The following RDX variants were observed in gnomAD, a reference collection of about 807,000 sequenced individuals.
RDX encodes the protein radixin, also known as deafness, autosomal recessive 24.
Under a neutral mutation model 83.7 loss-of-function variants are expected in RDX, and 32 were observed. That is an observed-to-expected ratio of 0.38 (90% confidence interval 0.29 to 0.51). RDX has a LOEUF of 0.51. Among genes scored for constraint, RDX ranks in the 20% least tolerant of loss-of-function variants. RDX has a pLI of 0.87. For synonymous variants in RDX, 229 were observed against 222.7 expected (o/e 1.03, Z -0.25); for missense variants, 600 against 689.9 (o/e 0.87, Z 1.46).
At chr11:110,224,182 A>G (rs1864353639) in intron 14 of RDX, among the ~76,000 whole-genome samples, 2 of 151,914 alleles carry the variant, frequency 1.3e-5, no homozygotes, top group Non-Finnish European at 2.9e-5. Flanking sequence ...GAGCTGAAAG[A>G]GTTATTTTTC....
At chr11:110,215,019 A>C (rs1207261701) in intron 14 of RDX, among the ~76,000 whole-genome samples, 3 of 135,876 alleles carry the variant, frequency 2.2e-5, no homozygotes, top group Non-Finnish European at 3.1e-5. Context: ...AATAAAAAAA[A>C]CATTTAGGAG....
chr11:110,232,124 C>A (rs1281742534), intron 13 of RDX, 91 bp from the exon 14 acceptor site: 3 of 1,002,904 alleles, frequency 3.0e-6, no homozygotes, highest in Non-Finnish European at 4.6e-6. Context: ...AATACATATA[C>A]CAAATCATTT....
intron 15 of RDX, among the ~76,000 whole-genome samples, chr11:110,192,572 G>A (rs1221030360): frequency 6.6e-6 from 1 of 152,122 alleles, no homozygotes; most frequent in Non-Finnish European, 1.5e-5. Flanking sequence ...AATAGAGTAA[G>A]CAGACAATCT....
At chr11:110,216,407 C>G (rs1864053459) in intron 14 of RDX, among the ~76,000 whole-genome samples, 1 of 151,386 alleles carries the variant, frequency 6.6e-6, no homozygotes, top group African/African-American at 2.4e-5. Flanking sequence ...GGGTCTTGCT[C>G]TGTTGCTCAG....
intron 14 of RDX, among the ~76,000 whole-genome samples, chr11:110,213,185 T>A (rs1863904704): frequency 1.3e-5 from 2 of 151,822 alleles, no homozygotes; most frequent in South Asian, 4.2e-4. Flanking sequence ...AGCATTCTTA[T>A]ACACCAACAA....
chr11:110,257,526 T>C (rs1859592832), intron 7 of RDX, among the ~76,000 whole-genome samples: 3 of 152,154 alleles, frequency 2.0e-5, no homozygotes, highest in Admixed American at 6.5e-5. Context: ...AGCAGCACAA[T>C]TCAAATAAAA....
At chr11:110,255,905 A>C (rs1315990835) in intron 7 of RDX, among the ~76,000 whole-genome samples, 7 of 152,198 alleles carry the variant, frequency 4.6e-5, no homozygotes, top group Admixed American at 4.6e-4. Flanking sequence ...GTATATTTTG[A>C]AAGAATCTTA....
downstream of RDX, among the ~76,000 whole-genome samples, chr11:110,227,922 A>C (rs1037099349): frequency 2.6e-5 from 4 of 152,124 alleles, no homozygotes; most frequent in Non-Finnish European, 4.4e-5. Flanking sequence ...TATAACCCCA[A>C]ATCAGAAAAC....
intron 14 of RDX, among the ~76,000 whole-genome samples, chr11:110,201,903 T>TTGTGTGTGTGTGTGTGTGTGTGTG (rs141731309): frequency 7.3e-6 from 1 of 137,220 alleles, no homozygotes; most frequent in Non-Finnish European, 1.6e-5. Flanking sequence ...CCGGCTAATT[T>TTGTGTGTGTGTGTGTGTGTGTGTG]TGTGTGTGTG....
At chr11:110,239,676 C>T (rs998962384) in intron 10 of RDX, among the ~76,000 whole-genome samples, 2 of 151,984 alleles carry the variant, frequency 1.3e-5, no homozygotes, top group African/African-American at 4.8e-5. Flanking sequence ...ACAGGCAAGG[C>T]TGGGCAAGGT....
In RDX at chr11:110,236,206, A is replaced by G. The variant is rs370007432; in HGVS notation, c.1252-15T>C. ...AGTTCTGCTGCCTAAAGTAAACAATATAATTCCAAAATTAAAATAACATAT... is the reference window on the plus strand; with the variant it reads ...AGTTCTGCTGCCTAAAGTAAACAATGTAATTCCAAAATTAAAATAACATAT... On this transcript the variant is annotated splice_polypyrimidine_tract_variant and intron_variant, in intron 11 of 13. Coordinates refer to ENST00000645495, the MANE Select transcript of RDX (RefSeq NM_002906.4). 40 of 1,585,558 alleles carry G rather than the reference A, an allele frequency of 2.5e-5. No individual in the cohort carries two copies. The East Asian group carries it at 6.0e-4, about 24-fold the overall frequency.
At chr11:110,226,192 G>T (rs1465848889), downstream of RDX, among the ~76,000 whole-genome samples, 1 of 152,038 alleles carries the variant, frequency 6.6e-6, no homozygotes, top group Admixed American at 6.6e-5. Context: ...GTTCAAAGCA[G>T]CAATATTCAG....
intron 14 of RDX, chr11:110,200,443 A>G (rs1231944657): frequency 6.6e-6 from 1 of 152,234 alleles, no homozygotes; most frequent in Non-Finnish European, 1.5e-5. Context: ...AAACTGGCCA[A>G]ACGTATCCAT....
In RDX at chr11:110,254,091, G is replaced by T. The variant is rs1427063445; in HGVS notation, c.814C>A (p.Pro272Thr). ...KKAPDFVFYA[P>T]RLRINKRILA... ...ATCCGCTTATTGATTCTCAGACGAG[G>T]TGCATAAAACACAAAATCCTAAACA... is the stretch of plus-strand genomic sequence containing the variant. The change falls in exon 9 of 14, where the codon CCT (proline) becomes ACT (threonine). Residue 272 changes from proline (P) to threonine (T), a missense_variant. Physicochemically the swap from Pro to Thr is conservative, Grantham distance 38. Transcript: ENST00000645495. 1 of 1,613,466 alleles carries T rather than the reference G, an allele frequency of 6.2e-7. No homozygotes were observed. The highest frequency in any genetic ancestry group is 1.1e-5 in the South Asian group (1 of 91,064).
At chr11:110,197,283 C>G (rs1565285960) in intron 15 of RDX, among the ~76,000 whole-genome samples, 1 of 152,196 alleles carries the variant, frequency 6.6e-6, no homozygotes, top group Admixed American at 6.5e-5. Flanking sequence ...GATAGGATGA[C>G]AGTGCTGTGG....
At chr11:110,232,200 A>G (rs1246508672) in intron 13 of RDX, among the ~76,000 whole-genome samples, 167 bp from the exon 14 acceptor site, 2 of 152,202 alleles carry the variant, frequency 1.3e-5, no homozygotes, top group East Asian at 3.8e-4. Context: ...GTGGTAAGGG[A>G]GGAATACACA....
intron 2 of RDX, chr11:110,272,847 TGCTATAATACTA>T: frequency 1.8e-6 from 1 of 541,748 alleles, no homozygotes; most frequent in South Asian, 1.8e-5. Context: ...ATTTAGCCCT[TGCTATAATACTA>T]GGAGATACTA....
At chr11:110,283,430 T>C (rs1052145289) in intron 1 of RDX, among the ~76,000 whole-genome samples, 5 of 152,150 alleles carry the variant, frequency 3.3e-5, no homozygotes, top group Admixed American at 2.0e-4. Context: ...CTCACAGATG[T>C]GAGCCACCAC....
At chr11:110,209,802 A>G (rs1863763603) in intron 14 of RDX, among the ~76,000 whole-genome samples, 1 of 145,246 alleles carries the variant, frequency 6.9e-6, no homozygotes, top group African/African-American at 2.5e-5. Context: ...GAAAACTAAC[A>G]AACAGAAAGG....
Sources: allele counts gnomAD v4.1 joint callset (sites outside exome capture counted in the v4.1 genomes callset), GRCh38; gene constraint gnomAD v4.1.1; transcripts MANE v1.5; gene names NCBI Gene and HGNC (gene_info 2026-07-23, HGNC 2026-07-21).